The following PHKA2 variants were observed in gnomAD, a reference collection of about 807,000 sequenced individuals.
PHKA2 encodes phosphorylase kinase regulatory subunit alpha 2.
In PHKA2, 31 loss-of-function variants were observed where a neutral mutation model predicts 102.0. The ratio of observed to expected loss-of-function variants is 0.30; its 90% CI spans 0.23 to 0.41. The LOEUF (loss-of-function observed/expected upper bound fraction) is 0.41. Ranked by LOEUF, PHKA2 falls within the 10% of genes least tolerant of loss-of-function variation. The pLI is 1.00. For missense variants in PHKA2, 858 were observed against 1,023.1 expected (o/e 0.84, Z 2.20); for synonymous variants, 455 against 416.2 (o/e 1.09, Z -1.13).
intron 12 of PHKA2, 89 bp from the exon 13 acceptor site, chrX:18,929,395 C>T (rs1034895627): frequency 1.7e-5 from 11 of 631,484 alleles, no homozygotes; most frequent in African/African-American, 4.4e-5. Context: ...TATTTTGGGG[C>T]TCAACATATT....
chrX:18,909,921 G>A (rs1176535074), intron 20 of PHKA2, among the ~76,000 whole-genome samples: 1 of 112,046 alleles, frequency 8.9e-6, no homozygotes, highest in Non-Finnish European at 1.9e-5. Context: ...ATAGTTATTT[G>A]GAAGCAAAAC....
At position 18,897,153 on chromosome X, in the gene PHKA2, C is replaced by T; in HGVS notation, c.3282+10G>A. ...GGTTCACTTCCCCAGGAGCTCGCGTCTCGGCTTACCTTCTGGAGGATCTTC... is the reference window on the plus strand; with the variant it reads ...GGTTCACTTCCCCAGGAGCTCGCGTTTCGGCTTACCTTCTGGAGGATCTTC... On this transcript the variant is annotated intron_variant, in intron 30 of 32. Transcript: ENST00000379942. 8.3e-7 allele frequency: 1 copy of T among 1,210,955 alleles called. No individual in the cohort carries two copies.
intron 2 of PHKA2, among the ~76,000 whole-genome samples, chrX:18,953,977 C>T (rs1360722222): frequency 9.1e-6 from 1 of 110,409 alleles, no homozygotes; most frequent in East Asian, 2.8e-4. Context: ...CAGAGTGAGA[C>T]TCCATCTCAA....
intron 1 of PHKA2, among the ~76,000 whole-genome samples, chrX:18,965,556 G>A (rs766657769): frequency 9.0e-6 from 1 of 111,268 alleles, no homozygotes; most frequent in East Asian, 2.8e-4. Context: ...CAGAGGATCC[G>A]CTACGAGTCC....
At chrX:18,909,433 C>T (rs2047884037) in intron 20 of PHKA2, among the ~76,000 whole-genome samples, 1 of 111,931 alleles carries the variant, frequency 8.9e-6, no homozygotes, top group South Asian at 3.7e-4. Flanking sequence ...GGTAGCTGAC[C>T]TGTCTCTTTC....
chrX:18,972,127 T>C (rs1361252312), intron 1 of PHKA2, among the ~76,000 whole-genome samples: 1 of 112,726 alleles, frequency 8.9e-6, no homozygotes, highest in Non-Finnish European at 1.9e-5. Flanking sequence ...TTATTCCCTC[T>C]GGAATTTATT....
rs192961286 is a variant in PHKA2, at chrX:18,910,983, G to A, written c.2138-23C>T. Reference sequence around the variant, plus strand: ...CAACTGGAAAACAAAAGAATAAAGAGAGTTATTCTGAGGAGGAAGAACAAC... The same window carrying A: ...CAACTGGAAAACAAAAGAATAAAGAAAGTTATTCTGAGGAGGAAGAACAAC... On this transcript the variant is annotated intron_variant, in intron 19 of 32. Coordinates refer to ENST00000379942, the MANE Select transcript of PHKA2 (RefSeq NM_000292.3). The A allele has an allele frequency of 1.1e-4, 107 of 979,131 alleles. No homozygotes were observed. The African/African-American group carries it at 2.0e-3, about 18-fold the overall frequency. 80.7% of individuals were successfully genotyped at this position (979,131 alleles called of 1,213,427 possible).
In PHKA2 at chrX:18,924,460, G is replaced by C. The variant is rs148176463; in HGVS notation, c.1635C>G (p.Ile545Met). 8.9e-4 allele frequency: 1,075 copies of C among 1,207,219 alleles called. 9 individuals carry two copies. The highest frequency in any genetic ancestry group is 6.3e-4 in the Non-Finnish European group (563 of 892,866). Reference sequence around the variant, plus strand: ...AGCAGGTGCACAGGTAGGCCAGCTCGATCCTTAGCATCTCCACGATCATCT... The same window carrying C: ...AGCAGGTGCACAGGTAGGCCAGCTCCATCCTTAGCATCTCCACGATCATCT... ...DNEMIVEMLR[I>M]ELAYLCTCWR... Residue 545 changes from isoleucine (I) to methionine (M), a missense_variant, in exon 16 of 33, where the codon ATC (isoleucine) becomes ATG (methionine). Physicochemically the swap from Ile to Met is conservative, Grantham distance 10 (BLOSUM62 1). Coordinates refer to ENST00000379942, the MANE Select transcript of PHKA2 (RefSeq NM_000292.3).
chrX:18,894,980 TGCCAAA>T, intron 31 of PHKA2, 152 bp downstream of exon 31: 2 of 552,540 alleles, frequency 3.6e-6, no homozygotes, highest in Admixed American at 5.1e-5. Context: ...AAGACATTTT[TGCCAAA>T]TATGAGGGTG....
At position 18,907,089 on chromosome X, in the gene PHKA2, T is replaced by C. The variant is rs776217826; in HGVS notation, c.2526A>G (p.Thr842=). ...KKVEVLAEAC[T]DLLSHQKQLT... is the part of the protein sequence containing the mutation. ...GCTGCTTCTGGTGCGAAAGCAGGTC[T>C]GTGCAGGCCTGCGCAGTTAAGGGGA... Residue 842 remains threonine, a synonymous_variant, in exon 23 of 33, where the codon ACA becomes ACG. Coordinates refer to ENST00000379942, the MANE Select transcript of PHKA2 (RefSeq NM_000292.3). 79 of 1,180,258 alleles carry C rather than the reference T, an allele frequency of 6.7e-5. No individual in the cohort carries two copies. The South Asian group carries it at 1.4e-3, about 21-fold the overall frequency.
chrX:18,910,831 G>A (rs2748322), intron 20 of PHKA2, 41 bp downstream of exon 20: 3 of 839,331 alleles, frequency 3.6e-6, no homozygotes, highest in Middle Eastern at 5.7e-4. Flanking sequence ...CTGCATTGTA[G>A]AACACCATAC....
At chrX:18,897,748 GAC>G in intron 29 of PHKA2, 1 of 167,891 alleles carries the variant, frequency 6.0e-6, no homozygotes, top group Non-Finnish European at 1.1e-5. Context: ...GCACAGTGGG[GAC>G]ACAGTCAGGC....
At chrX:18,939,594 C>T (rs1023015177) in intron 9 of PHKA2, among the ~76,000 whole-genome samples, 7 of 112,104 alleles carry the variant, frequency 6.2e-5, no homozygotes, top group African/African-American at 9.7e-5. Context: ...CCCGGGTTCA[C>T]GCCTTTCTCC....
Position 18,895,186 on chromosome X carries a change from G to T in PHKA2, c.3288C>A (p.His1096Gln). The T allele has an allele frequency of 8.3e-7, 1 of 1,210,399 alleles. No homozygotes were observed. Among genetic ancestry groups the T allele is most frequent in the Non-Finnish European group, 1.1e-6 (1 of 894,150 alleles). Residue 1096 changes from histidine to glutamine, a missense_variant, in exon 31 of 33, where the codon CAC (histidine) becomes CAA (glutamine). This residue lies in a region of PHKA2 where 671 missense variants were observed against 745.2 expected (regional missense o/e 0.90). Coordinates refer to ENST00000379942, the MANE Select transcript of PHKA2 (RefSeq NM_000292.3). ...GGACATAACCATCGATGGAGAGACC[G>T]TGGCACTGGAGGCAGAATAGAGCGC... ...QRVWKILQKC[H>Q]GLSIDGYVLP...
chrX:18,969,776 C>T (rs1003296239), intron 1 of PHKA2, among the ~76,000 whole-genome samples: 10 of 111,815 alleles, frequency 8.9e-5, no homozygotes, highest in Admixed American at 8.5e-4. Context: ...ACTCCAAAGC[C>T]GGAGTGTATT....
intron 8 of PHKA2, among the ~76,000 whole-genome samples, chrX:18,940,696 T>A (rs1444382046): frequency 2.7e-5 from 3 of 111,504 alleles, no homozygotes; most frequent in African/African-American, 9.8e-5. Flanking sequence ...GTTCCGTAAG[T>A]ATGTGGAGGC....
intron 28 of PHKA2, 64 bp from the exon 29 acceptor site, chrX:18,899,290 G>A: frequency 1.1e-6 from 1 of 939,111 alleles, no homozygotes. Context: ...GCAGAGAGGA[G>A]GGTCATGGAG....
chrX:18,945,677 A>G (rs1358387300), intron 5 of PHKA2, among the ~76,000 whole-genome samples: 1 of 112,141 alleles, frequency 8.9e-6, no homozygotes, highest in Non-Finnish European at 1.9e-5. Context: ...ACTGAGACAC[A>G]GAACACTGAA....
At chrX:18,983,158 G>A (rs998444467) in intron 1 of PHKA2, among the ~76,000 whole-genome samples, 2 of 112,271 alleles carry the variant, frequency 1.8e-5, no homozygotes, top group African/African-American at 6.5e-5. Context: ...AAGAAACATA[G>A]CTGCTGTCTT....
Sources: gnomAD v4.1 joint callset for allele counts (sites outside exome capture counted in the v4.1 genomes callset) on GRCh38, gnomAD v4.1.1 for gene constraint, gnomAD v4.1.1 regional missense constraint, MANE v1.5 for transcripts, NCBI Gene and HGNC (gene_info 2026-07-23, HGNC 2026-07-21) for gene names.